WASHC2C: variants seen among roughly 807,000 people sequenced by gnomAD.
WASHC2C encodes the protein Vaccinia Penetration Factor.
Under a neutral mutation model 142.2 loss-of-function variants are expected in WASHC2C, and 73 were observed. The ratio of observed to expected loss-of-function variants is 0.51; its 90% CI spans 0.43 to 0.62. The LOEUF (loss-of-function observed/expected upper bound fraction) is 0.62, where lower values mean the gene tolerates loss of function less well. Ranked by LOEUF, WASHC2C falls within the 20% of genes least tolerant of loss-of-function variation. The pLI, the probability that WASHC2C is intolerant of heterozygous loss-of-function variation, is 0.00. For missense variants in WASHC2C, 969 were observed against 1,531.7 expected (o/e 0.63, Z 6.13); for synonymous variants, 337 against 565.5 (o/e 0.60, Z 5.73).
intron 16 of WASHC2C, among the ~76,000 whole-genome samples, chr10:45,757,834 A>AGCTTAG (rs2054502334): frequency 6.6e-6 from 1 of 152,214 alleles, no homozygotes; most frequent in East Asian, 1.9e-4. Context: ...CAGGAGGAGG[A>AGCTTAG]GCTTAGGCAG....
At chr10:45,785,471 A>C in intron 25 of WASHC2C, 38 bp from the exon 26 acceptor site, 1 of 1,609,180 alleles carries the variant, frequency 6.2e-7, no homozygotes, top group Non-Finnish European at 8.5e-7. Context: ...AACTTCTAAG[A>C]TATTTGATGC....
chr10:45,730,710 C>T (rs1489624715), intron 3 of WASHC2C, among the ~76,000 whole-genome samples: 2 of 151,408 alleles, frequency 1.3e-5, no homozygotes, highest in Admixed American at 6.6e-5. Context: ...AGCTCCGCCT[C>T]CCGGGTTCAC....
At chr10:45,791,495 T>A (rs2058390039) in intron 30 of WASHC2C, among the ~76,000 whole-genome samples, 1 of 146,518 alleles carries the variant, frequency 6.8e-6, no homozygotes, top group Admixed American at 7.0e-5. Flanking sequence ...TATTTCCCTA[T>A]TCTGCTCTGT....
In WASHC2C at chr10:45,752,680, G is replaced by A. The variant is rs782068950; in HGVS notation, c.1096G>A (p.Gly366Arg). The A allele has an allele frequency of 6.2e-7, 1 of 1,610,094 alleles. No homozygotes were observed. The highest frequency in any genetic ancestry group is 8.5e-7 in the Non-Finnish European group (1 of 1,179,234). Reference protein sequence around the residue: ...SGGGLFSGGKGLFDDEDEESD... With the variant: ...SGGGLFSGGKRLFDDEDEESD... The stretch of plus-strand genomic sequence containing the variant: ...AGGTGGCCTGTTCAGTGGCGGCAAG[G>A]GGCTATTTGATGATGAGGACGAGGA... Residue 366 changes from glycine to arginine, a missense_variant, in exon 12 of 31, where the codon GGG becomes AGG. Transcript: ENST00000623400.
At chr10:45,766,017 T>C (rs2055755837) in intron 19 of WASHC2C, among the ~76,000 whole-genome samples, 2 of 152,226 alleles carry the variant, frequency 1.3e-5, no homozygotes, top group Admixed American at 6.5e-5. Context: ...TAGGAATAAG[T>C]ATGACTCCCA....
chr10:45,735,145 A>G (rs1226888986), intron 3 of WASHC2C, among the ~76,000 whole-genome samples: 1 of 151,736 alleles, frequency 6.6e-6, no homozygotes, highest in Non-Finnish European at 1.5e-5. Context: ...GCAAGTCCCC[A>G]TAATCTGTTT....
At chr10:45,737,735 G>A (rs1564703117) in intron 3 of WASHC2C, among the ~76,000 whole-genome samples, 1 of 147,518 alleles carries the variant, frequency 6.8e-6, no homozygotes, top group Non-Finnish European at 1.5e-5. Context: ...CGAGGTTAAA[G>A]TTTCATCATG....
intron 17 of WASHC2C, among the ~76,000 whole-genome samples, chr10:45,763,000 T>TAGCCC (rs2055327622): frequency 1.3e-5 from 2 of 152,170 alleles, no homozygotes; most frequent in African/African-American, 4.8e-5. Flanking sequence ...ATCTAGCCCC[T>TAGCCC]GTTTCTTTAT....
At chr10:45,758,897 T>A (rs2610445) in intron 16 of WASHC2C, among the ~76,000 whole-genome samples, 14,593 of 127,918 alleles carry the variant, frequency 0.11, 981 homozygotes, top group Admixed American at 0.16. Context: ...TGACTGCTTG[T>A]CCTTTCACTG....
At position 45,728,868 on chromosome 10, in the gene WASHC2C, C is replaced by G. The variant is rs1200888147; in HGVS notation, c.133C>G (p.Gln45Glu). Residue 45 changes from glutamine to glutamate, a missense_variant, in exon 3 of 31, where the codon CAG (glutamine) becomes GAG (glutamate). Gln to Glu is a conservative substitution (Grantham distance 29). Transcript: ENST00000623400. ...WSLAADAGLL[Q>E]FLQEFSQQTI... ...TGTTTATTTTTTAAAATAGCTACTA[C>G]AGTTTCTACAGGAATTCTCACAGCA... The G allele has an allele frequency of 6.2e-7, 1 of 1,612,940 alleles. No individual in the cohort carries two copies. The highest frequency in any genetic ancestry group is 2.2e-5 in the East Asian group (1 of 44,864).
chr10:45,734,749 A>T (rs1301179618), intron 3 of WASHC2C, among the ~76,000 whole-genome samples: 2 of 151,646 alleles, frequency 1.3e-5, no homozygotes, highest in African/African-American at 2.4e-5. Flanking sequence ...TTGAGACAGG[A>T]TCTCCCTCTG....
chr10:45,741,808 T>TG (rs2052091729), intron 5 of WASHC2C, among the ~76,000 whole-genome samples: 1 of 150,462 alleles, frequency 6.6e-6, no homozygotes, highest in Middle Eastern at 3.4e-3. Context: ...ATTTTTTTTT[T>TG]TTTTTTTGAG....
Position 45,769,415 on chromosome 10 carries a change from G to A in WASHC2C, c.1870-34G>A. On this transcript the variant is annotated intron_variant, in intron 19 of 30. Transcript: ENST00000623400. ...TTATAGGTATGAGCCACTGCGCCTG[G>A]CCTGGAGTTTTAATATATATTTTAT... The A allele has an allele frequency of 1.9e-6, 3 of 1,588,450 alleles. No individual in the cohort carries two copies. The Admixed American group carries it at 5.2e-5, about 28-fold the overall frequency.
intron 23 of WASHC2C, among the ~76,000 whole-genome samples, chr10:45,784,273 T>TATATATATATATACACACACACACAC (rs1564819879): frequency 2.5e-4 from 2 of 8,036 alleles, no homozygotes; most frequent in Non-Finnish European, 9.4e-4. Context: ...TATATATATA[T>TATATATATATATACACACACACACAC]ATATATATAT....
chr10:45,747,457 T>C (rs1384770703), intron 8 of WASHC2C, among the ~76,000 whole-genome samples: 4 of 152,196 alleles, frequency 2.6e-5, no homozygotes, highest in African/African-American at 4.8e-5. Flanking sequence ...TTATTTTAAA[T>C]AGCCTTTGCA....
Position 45,762,688 on chromosome 10 carries a change from A to G in WASHC2C, c.1636-700A>G, listed in dbSNP as rs572359549. ...GGGGAAGCCGAGGCGGGCGGATCAC[A>G]AGGTCAGGAGATCGAGACCATCCTG... On this transcript the variant is annotated intron_variant, in intron 17 of 30. Transcript: ENST00000623400. 1.6e-4 allele frequency among the ~76,000 whole-genome samples: 24 copies of G among 152,242 alleles called. No homozygotes were observed. In the East Asian group the frequency reaches 1.9e-3, roughly 12 times the overall value.
intron 20 of WASHC2C, among the ~76,000 whole-genome samples, chr10:45,769,907 G>A (rs1554883994): frequency 6.6e-6 from 1 of 150,724 alleles, no homozygotes; most frequent in East Asian, 2.0e-4. Context: ...TTTTTCTCTG[G>A]GCTACTCTAA....
At chr10:45,781,233 G>C (rs2057478922) in intron 23 of WASHC2C, among the ~76,000 whole-genome samples, 2 of 152,160 alleles carry the variant, frequency 1.3e-5, no homozygotes, top group Admixed American at 1.3e-4. Flanking sequence ...AAAATTGATG[G>C]AAAGACATCT....
chr10:45,743,499 A>G lies in WASHC2C; in HGVS notation c.622+16A>G. 1.2e-6 allele frequency: 2 copies of G among 1,610,678 alleles called. No homozygotes were observed. Among genetic ancestry groups the G allele is most frequent in the South Asian group, 2.2e-5 (2 of 90,400 alleles). ...TCCAGTGAAGGTACTTTTCTTCACC[A>G]AATAATTTTATTCCTTAACATTTCT... On this transcript the variant is annotated intron_variant, in intron 6 of 30. Coordinates refer to ENST00000623400, the MANE Select transcript of WASHC2C (RefSeq NM_001330074.2).
Sources: gnomAD v4.1 joint callset for allele counts (sites outside exome capture counted in the v4.1 genomes callset) on GRCh38, gnomAD v4.1.1 for gene constraint, MANE v1.5 for transcripts, NCBI Gene and HGNC (gene_info 2026-07-23, HGNC 2026-07-21) for gene names.